The following PACRG variants were observed in gnomAD, a reference collection of about 807,000 sequenced individuals.
The protein encoded by PACRG is parkin coregulated gene protein.
Under a neutral mutation model 29.7 loss-of-function variants are expected in PACRG, and 29 were observed. The ratio of observed to expected loss-of-function variants is 0.98; its 90% CI spans 0.73 to 1.33. The LOEUF (loss-of-function observed/expected upper bound fraction) is 1.33. Among genes scored for constraint, PACRG ranks in the 40% most tolerant of loss-of-function variants. The pLI, the probability that PACRG is intolerant of heterozygous loss-of-function variation, is 0.00. For missense variants in PACRG, 279 were observed against 316.2 expected (o/e 0.88, Z 0.89); for synonymous variants, 116 against 118.7 (o/e 0.98, Z 0.15).
Position 163,228,315 on chromosome 6 carries a change from C to T in PACRG, c.614-86512C>T, listed in dbSNP as rs78147733. On this transcript the variant is annotated intron_variant, in intron 4 of 4. Coordinates refer to ENST00000366888, the MANE Select transcript of PACRG (RefSeq NM_001080379.2). ...GAGCCCAGAGGGTGTTCTTAATCTA[C>T]GCCTGAAAATGATTGAAATGGACAT... Among the ~76,000 whole-genome samples the T allele has an allele frequency of 3.2e-4, 43 of 135,230 alleles. No homozygotes were observed. In the East Asian group the frequency reaches 5.8e-3, roughly 18 times the overall value. The allele number at this position is 135,230 out of a possible 152,430, so 88.7% of individuals were successfully genotyped here. A position where few individuals can be genotyped will look rare whatever the true frequency, so the allele number is the denominator to read the frequency against.
chr6:163,212,317 G>A (rs751045322), intron 4 of PACRG, among the ~76,000 whole-genome samples: 12 of 152,070 alleles, frequency 7.9e-5, no homozygotes, highest in African/African-American at 2.9e-4. Context: ...CACTGTGAGG[G>A]CCCGGGAGCA....
chr6:163,227,998 T>C (rs186336825), intron 4 of PACRG, among the ~76,000 whole-genome samples: 153 of 152,300 alleles, frequency 1.0e-3, no homozygotes, highest in African/African-American at 3.5e-3. Context: ...ACAGGCAGTG[T>C]TGGTGAAAAA....
intron 4 of PACRG, among the ~76,000 whole-genome samples, chr6:163,179,601 G>A (rs895370148): frequency 6.6e-6 from 1 of 151,896 alleles, no homozygotes; most frequent in Non-Finnish European, 1.5e-5. Flanking sequence ...TGCTACTCGG[G>A]AGGCCGAGAT....
chr6:163,100,116 G>A (rs1422824422), intron 4 of PACRG, among the ~76,000 whole-genome samples: 2 of 151,922 alleles, frequency 1.3e-5, no homozygotes, highest in Non-Finnish European at 2.9e-5. Context: ...CCCAGGAGCC[G>A]AGGACAGCCA....
At chr6:162,747,325 CATATATAT>C (rs1190146053) in intron 1 of PACRG, among the ~76,000 whole-genome samples, 127 of 33,218 alleles carry the variant, frequency 3.8e-3, no homozygotes, top group African/African-American at 8.0e-3. Flanking sequence ...TCTCCTTGCT[CATATATAT>C]ATATATATAT....
At chr6:162,742,295 A>C (rs966217978) in intron 1 of PACRG, among the ~76,000 whole-genome samples, 1 of 152,012 alleles carries the variant, frequency 6.6e-6, no homozygotes, top group African/African-American at 2.4e-5. Context: ...ACAATATCTG[A>C]TGGTTTTATA....
At chr6:163,028,274 G>A (rs537321857) in intron 2 of PACRG, among the ~76,000 whole-genome samples, 2 of 152,210 alleles carry the variant, frequency 1.3e-5, no homozygotes, top group Non-Finnish European at 2.9e-5. Context: ...CTCTGTGCCT[G>A]TCTTTTTTTC....
intron 2 of PACRG, among the ~76,000 whole-genome samples, chr6:162,950,240 A>G (rs955428350): frequency 5.3e-5 from 8 of 152,152 alleles, no homozygotes; most frequent in African/African-American, 1.9e-4. Context: ...GCTCACGCCT[A>G]TAATCCCAGC....
At chr6:162,727,741 C>A (rs1302053234), upstream of PACRG, 2 of 1,478,160 alleles carry the variant, frequency 1.4e-6, no homozygotes, top group Admixed American at 2.0e-5. Context: ...GCGCCTCCCA[C>A]CAGCGGCTCT....
intron 2 of PACRG, among the ~76,000 whole-genome samples, chr6:162,884,632 C>A (rs1485933864): frequency 6.6e-6 from 1 of 152,000 alleles, no homozygotes; most frequent in Non-Finnish European, 1.5e-5. Context: ...TAGTTACAAG[C>A]AGTATGTGGA....
chr6:163,213,848 C>T (rs1227684971), intron 4 of PACRG, among the ~76,000 whole-genome samples: 1 of 144,728 alleles, frequency 6.9e-6, no homozygotes. Context: ...ATTATTTGCT[C>T]TAACTGAAAT....
At chr6:162,815,365 C>T (rs1039444497) in intron 2 of PACRG, among the ~76,000 whole-genome samples, 1 of 150,024 alleles carries the variant, frequency 6.7e-6, no homozygotes, top group South Asian at 2.1e-4. Context: ...TAAATTTTTC[C>T]TTCCTGTATA....
intron 2 of PACRG, among the ~76,000 whole-genome samples, chr6:162,948,053 G>A (rs1799374773): frequency 6.6e-6 from 1 of 151,838 alleles, no homozygotes; most frequent in South Asian, 2.1e-4. Flanking sequence ...ATTATAAAAT[G>A]TGTATGGAAC....
intron 2 of PACRG, among the ~76,000 whole-genome samples, chr6:163,050,021 A>G (rs1809829488): frequency 1.3e-5 from 2 of 152,076 alleles, no homozygotes; most frequent in African/African-American, 4.8e-5. Flanking sequence ...CACTTTATAA[A>G]CTAATTCAGA....
chr6:162,798,697 A>G (rs1478951827), intron 1 of PACRG, among the ~76,000 whole-genome samples: 2 of 152,092 alleles, frequency 1.3e-5, no homozygotes, highest in Non-Finnish European at 2.9e-5. Context: ...TTTGCTCAAC[A>G]CCTCCTCTAT....
intron 2 of PACRG, among the ~76,000 whole-genome samples, chr6:163,021,030 G>A (rs964207363): frequency 2.6e-5 from 4 of 152,096 alleles, no homozygotes; most frequent in Non-Finnish European, 4.4e-5. Flanking sequence ...GTGCCTGCCC[G>A]TCCTGGGCAG....
chr6:162,814,488 CAG>C (rs1787158721), intron 2 of PACRG, among the ~76,000 whole-genome samples: 1 of 152,214 alleles, frequency 6.6e-6, no homozygotes, highest in African/African-American at 2.4e-5. Flanking sequence ...AAGAAAATGA[CAG>C]AGTTGCTTTG....
intron 4 of PACRG, among the ~76,000 whole-genome samples, chr6:163,194,056 T>G (rs1395633153): frequency 6.6e-6 from 1 of 151,856 alleles, no homozygotes; most frequent in Non-Finnish European, 1.5e-5. Flanking sequence ...CCAAAGCCGG[T>G]TAATTTTTGT....
Position 162,773,494 on chromosome 6 carries a change from A to ATTTTT in PACRG, c.157-40626_157-40622dup, listed in dbSNP as rs71008110. Among the ~76,000 whole-genome samples the ATTTTT allele has an allele frequency of 2.3e-3, 151 of 66,028 alleles. 16 individuals carry two copies. Among genetic ancestry groups the ATTTTT allele is most frequent in the East Asian group, 0.013 (20 of 1,594 alleles). 43.3% of individuals were successfully genotyped at this position (66,028 alleles called of 152,430 possible). ...ATATTTGGTATTTTTACAGCTTGTC[A>ATTTTT]TTTTTTTTTTTTTTTTTTTTTTTTT... On this transcript the variant is annotated intron_variant, in intron 1 of 4. Transcript: ENST00000366888.
Sources: allele counts gnomAD v4.1 joint callset (sites outside exome capture counted in the v4.1 genomes callset), GRCh38; gene constraint gnomAD v4.1.1; transcripts MANE v1.5; gene names NCBI Gene and HGNC (gene_info 2026-07-23, HGNC 2026-07-21).